The following GMDS variants were observed in gnomAD, a reference collection of about 807,000 sequenced individuals.
The protein encoded by GMDS is GDP-mannose 4,6-dehydratase.
Under a neutral mutation model 49.9 loss-of-function variants are expected in GMDS, and 20 were observed. The observed-to-expected ratio is 0.40, with a 90% confidence interval of 0.28 to 0.58. The LOEUF is 0.58. GMDS is among the 20% of genes least tolerant of loss of function. The probability of loss-of-function intolerance (pLI) is 0.42; values close to 1 mark genes in which losing one functional copy is unlikely to be tolerated. For synonymous variants in GMDS, 177 were observed against 178.6 expected, an observed-to-expected ratio of 0.99 and a Z score of 0.07; for missense variants, 362 against 481.4, an observed-to-expected ratio of 0.75 and a Z score of 2.32.
At chr6:1,680,064 A>G (rs1454960591) in intron 9 of GMDS, 2 of 152,260 alleles carry the variant, frequency 1.3e-5, no homozygotes, top group Non-Finnish European at 2.9e-5. Context: ...AATTTCAACT[A>G]GTCTGTAATT....
At chr6:2,062,276 G>C (rs1282613664) in intron 4 of GMDS, among the ~76,000 whole-genome samples, 1 of 152,106 alleles carries the variant, frequency 6.6e-6, no homozygotes, top group Non-Finnish European at 1.5e-5. Flanking sequence ...CGCTCTTCTG[G>C]GGCATTGTCT....
At chr6:1,973,636 A>G (rs542849607) in intron 4 of GMDS, among the ~76,000 whole-genome samples, 2 of 152,304 alleles carry the variant, frequency 1.3e-5, no homozygotes, top group South Asian at 4.2e-4. Flanking sequence ...AGTAAACAAC[A>G]TACAGTCTTC....
chr6:1,979,877 T>C (rs1432237519), intron 4 of GMDS, among the ~76,000 whole-genome samples: 1 of 152,138 alleles, frequency 6.6e-6, no homozygotes, highest in African/African-American at 2.4e-5. Flanking sequence ...CTGGAAGAGA[T>C]TGGTGGCCAA....
intron 1 of GMDS, among the ~76,000 whole-genome samples, chr6:2,190,497 T>C (rs1021022687): frequency 1.3e-5 from 2 of 152,218 alleles, no homozygotes; most frequent in Non-Finnish European, 2.9e-5. Context: ...TCACTTCTCA[T>C]GGGGGAAGAA....
intron 7 of GMDS, 81 bp from the exon 8 acceptor site, chr6:1,742,667 T>C (rs1040775003): frequency 3.9e-5 from 29 of 748,298 alleles, no homozygotes; most frequent in Non-Finnish European, 5.7e-5. Context: ...TAATCAGATA[T>C]GGACATCGAC....
chr6:1,907,471 C>T (rs758009774), intron 7 of GMDS, among the ~76,000 whole-genome samples: 7 of 152,140 alleles, frequency 4.6e-5, no homozygotes, highest in Non-Finnish European at 8.8e-5. Flanking sequence ...CAAACCAATA[C>T]CTACCTTGGG....
At chr6:1,891,116 A>G (rs1759847990) in intron 7 of GMDS, among the ~76,000 whole-genome samples, 1 of 152,248 alleles carries the variant, frequency 6.6e-6, no homozygotes, top group South Asian at 2.1e-4. Context: ...TGATACATAA[A>G]GCCATCTTTG....
intron 7 of GMDS, among the ~76,000 whole-genome samples, chr6:1,849,765 G>C (rs954280822): frequency 6.6e-6 from 1 of 152,030 alleles, no homozygotes; most frequent in Non-Finnish European, 1.5e-5. Context: ...CTAGAGACTC[G>C]ACAGAACAGA....
At position 2,059,504 on chromosome 6, in the gene GMDS, C is replaced by G. The variant is rs1006274075; in HGVS notation, c.345+56267G>C. On this transcript the variant is annotated intron_variant, in intron 4 of 10. Transcript: ENST00000380815. ...CGGGTGGATCACGAGGTCAGGAGAT[C>G]GAGACCATCCTGGCTAACACGGTGA... Among the ~76,000 whole-genome samples the G allele has an allele frequency of 4.7e-5, 7 of 149,534 alleles. No homozygotes were observed. The South Asian group carries it at 1.5e-3, about 32-fold the overall frequency.
At chr6:1,803,447 C>A (rs1480375461) in intron 7 of GMDS, among the ~76,000 whole-genome samples, 1 of 151,902 alleles carries the variant, frequency 6.6e-6, no homozygotes, top group African/African-American at 2.4e-5. Flanking sequence ...ACAGTTTAAT[C>A]TCTTTCAGCG....
At chr6:1,647,615 A>T (rs1581406762) in intron 9 of GMDS, among the ~76,000 whole-genome samples, 1 of 152,232 alleles carries the variant, frequency 6.6e-6, no homozygotes, top group African/African-American at 2.4e-5. Flanking sequence ...CACATATGCC[A>T]GTAACTGCCA....
intron 4 of GMDS, 137 bp downstream of exon 4, chr6:2,115,634 T>C: frequency 1.6e-6 from 1 of 629,162 alleles, no homozygotes; most frequent in Non-Finnish European, 2.9e-6. Context: ...TTAGGATTAA[T>C]ACTTAAACTA....
chr6:1,825,693 TG>T (rs1239171397), intron 7 of GMDS, among the ~76,000 whole-genome samples: 8 of 152,240 alleles, frequency 5.3e-5, no homozygotes, highest in Admixed American at 2.0e-4. Context: ...ACAGTTTTAC[TG>T]TGCAGTAAAA....
chr6:1,794,816 T>C (rs1292191882), intron 7 of GMDS, among the ~76,000 whole-genome samples: 2 of 152,188 alleles, frequency 1.3e-5, no homozygotes, highest in Non-Finnish European at 2.9e-5. Flanking sequence ...TGGTCCATTC[T>C]AGATTAAATG....
intron 9 of GMDS, among the ~76,000 whole-genome samples, chr6:1,713,433 C>T (rs890411134): frequency 2.0e-5 from 3 of 152,258 alleles, no homozygotes; most frequent in Non-Finnish European, 4.4e-5. Flanking sequence ...GCACTGTTTG[C>T]TCTGCGTCTC....
chr6:1,798,565 G>A (rs998515926), intron 7 of GMDS, among the ~76,000 whole-genome samples: 4 of 152,160 alleles, frequency 2.6e-5, no homozygotes, highest in African/African-American at 7.2e-5. Context: ...AGGTAGAAGC[G>A]TGAGGCTCCT....
chr6:2,199,344 C>A (rs234948), intron 1 of GMDS, among the ~76,000 whole-genome samples: 6,267 of 152,268 alleles, frequency 0.041, 259 homozygotes, highest in South Asian at 0.13. Flanking sequence ...TTCTCTGACA[C>A]AACAACTCAC....
intron 4 of GMDS, among the ~76,000 whole-genome samples, chr6:2,091,192 C>A (rs1773295225): frequency 6.6e-6 from 1 of 152,158 alleles, no homozygotes. Flanking sequence ...AGATGTGAAA[C>A]CAACACATAT....
intron 7 of GMDS, among the ~76,000 whole-genome samples, chr6:1,921,994 A>G (rs893648009): frequency 2.6e-5 from 4 of 152,240 alleles, no homozygotes; most frequent in African/African-American, 9.6e-5. Context: ...CCACTGACAT[A>G]TTTCCCTTCC....
Sources: allele counts gnomAD v4.1 joint callset (sites outside exome capture counted in the v4.1 genomes callset), GRCh38; gene constraint gnomAD v4.1.1; transcripts MANE v1.5; gene names NCBI Gene and HGNC (gene_info 2026-07-23, HGNC 2026-07-21).